MYCBP2: variants seen among roughly 807,000 people sequenced by gnomAD.
The protein encoded by MYCBP2 is E3 ubiquitin-protein ligase MYCBP2.
Under a neutral mutation model 525.3 loss-of-function variants are expected in MYCBP2, and 120 were observed. The ratio of observed to expected loss-of-function variants is 0.23; its 90% CI spans 0.20 to 0.27. MYCBP2 has a LOEUF of 0.27. MYCBP2 is among the 10% of genes least tolerant of loss of function. The pLI, the probability that MYCBP2 is intolerant of heterozygous loss-of-function variation, is 1.00. For synonymous variants in MYCBP2, 1,894 were observed against 1,955.8 expected (o/e 0.97, Z 0.83); for missense variants, 4,149 against 5,657.1 (o/e 0.73, Z 8.55).
intron 20 of MYCBP2, among the ~76,000 whole-genome samples, chr13:77,221,621 C>A (rs2065589069): frequency 6.6e-6 from 1 of 152,000 alleles, no homozygotes; most frequent in South Asian, 2.1e-4. Flanking sequence ...TGACTGAGAC[C>A]CCATCTTATC....
intron 3 of MYCBP2, 95 bp downstream of exon 3, chr13:77,288,066 A>C: frequency 7.9e-7 from 1 of 1,267,406 alleles, no homozygotes; most frequent in Non-Finnish European, 1.1e-6. Context: ...GCAATTTTAC[A>C]TAAAGCAAAG....
At chr13:77,288,819 G>T (rs1290478802) in intron 2 of MYCBP2, among the ~76,000 whole-genome samples, 2 of 152,024 alleles carry the variant, frequency 1.3e-5, no homozygotes, top group African/African-American at 4.8e-5. Flanking sequence ...AGAAATGAGG[G>T]CCTCCCAAAA....
intron 26 of MYCBP2, among the ~76,000 whole-genome samples, chr13:77,196,124 A>G (rs2061732390): frequency 6.6e-6 from 1 of 152,202 alleles, no homozygotes; most frequent in Non-Finnish European, 1.5e-5. Context: ...TGGGCTATGT[A>G]GGTGCTGAAG....
intron 55 of MYCBP2, among the ~76,000 whole-genome samples, chr13:77,120,487 T>C (rs1453123533): frequency 6.6e-6 from 1 of 152,218 alleles, no homozygotes; most frequent in Non-Finnish European, 1.5e-5. Flanking sequence ...TCAGGTATAA[T>C]GACACTGTAT....
At chr13:77,315,784 A>C (rs771240499) in intron 1 of MYCBP2, among the ~76,000 whole-genome samples, 2 of 151,304 alleles carry the variant, frequency 1.3e-5, no homozygotes, top group Non-Finnish European at 2.9e-5. Context: ...AATCCCAGCT[A>C]CTCAGGAAGC....
At chr13:77,273,185 G>A (rs759784047) in intron 5 of MYCBP2, among the ~76,000 whole-genome samples, 6 of 152,220 alleles carry the variant, frequency 3.9e-5, no homozygotes, top group East Asian at 1.9e-4. Flanking sequence ...AAGGGAGAAC[G>A]CAGACAGCAA....
At chr13:77,185,637 T>C (rs990119052) in intron 31 of MYCBP2, among the ~76,000 whole-genome samples, 1 of 152,236 alleles carries the variant, frequency 6.6e-6, no homozygotes, top group Non-Finnish European at 1.5e-5. Flanking sequence ...AATTAAACTT[T>C]ATTAGATTAT....
At chr13:77,130,331 T>C (rs1487437567) in intron 52 of MYCBP2, among the ~76,000 whole-genome samples, 1 of 151,802 alleles carries the variant, frequency 6.6e-6, no homozygotes, top group African/African-American at 2.4e-5. Flanking sequence ...TTTTAGATAA[T>C]GAAACTTTTC....
chr13:77,066,963 T>C (rs1404369843), intron 71 of MYCBP2, among the ~76,000 whole-genome samples: 1 of 152,212 alleles, frequency 6.6e-6, no homozygotes, highest in Admixed American at 6.5e-5. Flanking sequence ...GTAGTCATAC[T>C]TCTATATTAT....
intron 26 of MYCBP2, among the ~76,000 whole-genome samples, chr13:77,196,241 AG>A (rs776196318): frequency 1.1e-4 from 16 of 152,236 alleles, no homozygotes; most frequent in Non-Finnish European, 2.2e-4. Context: ...ACTGGATTAG[AG>A]TGAAACAACT....
rs528401105 is a variant in MYCBP2, at chr13:77,271,162, A to G, written c.946-624T>C. On this transcript the variant is annotated intron_variant, in intron 5 of 82. Coordinates refer to ENST00000544440, the MANE Select transcript of MYCBP2 (RefSeq NM_015057.5). The stretch of plus-strand genomic sequence containing the variant: ...CATACACATACACATTCTATATCAA[A>G]TAATTTCAATATCTAAGGACTTGGC... Among the ~76,000 whole-genome samples the G allele has an allele frequency of 2.9e-4, 44 of 152,322 alleles. No homozygotes were observed. In the South Asian group the frequency reaches 9.1e-3, roughly 32 times the overall value.
In MYCBP2 at chr13:77,171,502, A is replaced by G. The variant is rs755174728; in HGVS notation, c.5784T>C (p.Leu1928=). 4 of 1,612,862 alleles carry G rather than the reference A, an allele frequency of 2.5e-6. No individual in the cohort carries two copies. The highest frequency in any genetic ancestry group is 3.4e-6 in the Non-Finnish European group (4 of 1,179,468). The part of the protein sequence containing the change: ...RASKDLLHRA[L]AVDADDIPEL... Reference sequence around the variant, plus strand: ...AAGAAAAAATATTACCATCCACAGCAAGAGCTCTGTGCAGGAGGTCCTTAG... The same window carrying G: ...AAGAAAAAATATTACCATCCACAGCGAGAGCTCTGTGCAGGAGGTCCTTAG... The change falls in exon 38 of 83, where the codon CTT becomes CTC. Residue 1928 remains leucine (L), a synonymous_variant. Transcript: ENST00000544440.
chr13:77,288,076 G>C (rs964690379), intron 3 of MYCBP2, 85 bp downstream of exon 3: 77 of 1,322,852 alleles, frequency 5.8e-5, no homozygotes, highest in Non-Finnish European at 4.7e-5. Context: ...ATAAAGCAAA[G>C]TATTTTAGCA....
At position 77,326,669 on chromosome 13, in the gene MYCBP2, GC is replaced by G. The variant is rs1327740386; in HGVS notation, c.106del (p.Ala36ArgfsTer71). 3.4e-6 allele frequency: 5 copies of G among 1,473,586 alleles called. No individual in the cohort carries two copies. The highest frequency in any genetic ancestry group is 2.7e-5 in the Admixed American group (1 of 37,214). The allele number at this position is 1,473,586 out of a possible 1,614,324, so 91.3% of individuals were successfully genotyped here. Reference sequence around the variant, plus strand: ...GCCGTCGGGAACCGGCATGAACAGCGCCCCCGGCGCCGGGGAGGAAGAGAAG... The same window carrying G: ...GCCGTCGGGAACCGGCATGAACAGCGCCCCGGCGCCGGGGAGGAAGAGAAG... ...ATFSSSPAPG[A>X]LFMPVPDGSV... On this transcript the variant is annotated frameshift_variant, in exon 1 of 83. Transcript: ENST00000544440. LOFTEE classifies it high-confidence loss of function. This position sits in a 1 kb window ranked among gnomAD's most constrained non-coding sequence, Gnocchi z 4.2.
In MYCBP2 at chr13:77,044,658, A is replaced by G. The variant is rs141640392; in HGVS notation, c.*720T>C. On this transcript the variant is annotated 3_prime_UTR_variant, in exon 83 of 83. Coordinates refer to ENST00000544440, the MANE Select transcript of MYCBP2 (RefSeq NM_015057.5). ...TTTAAACAATACCTCCCACAGTGGT[A>G]GACTTTATCACTGTATAAAAATGTA... The G allele has an allele frequency of 1.5e-4, 61 of 398,514 alleles. No individual in the cohort carries two copies. In the Admixed American group the frequency reaches 1.6e-3, roughly 10 times the overall value. The allele number at this position is 398,514 out of a possible 1,614,324, so 24.7% of individuals were successfully genotyped here. A position where few individuals can be genotyped will look rare whatever the true frequency, so the allele number is the denominator to read the frequency against.
chr13:77,162,591 T>C (rs73241415), intron 43 of MYCBP2, among the ~76,000 whole-genome samples: 3,056 of 152,336 alleles, frequency 0.02, 56 homozygotes, highest in Middle Eastern at 0.075. Flanking sequence ...AGCCTATGTG[T>C]TGTTCTAGAA....
Position 77,263,932 on chromosome 13 carries a change from T to C in MYCBP2, c.1428A>G (p.Arg476=). The change falls in exon 9 of 83, where the codon AGA becomes AGG. Residue 476 remains arginine, a synonymous_variant. Coordinates refer to ENST00000544440, the MANE Select transcript of MYCBP2 (RefSeq NM_015057.5). ...ACTTAAGATTCAGGATACTTACATCTCTTGAAGCAGCTATCTGATTAATAT... is the reference window on the plus strand; with the variant it reads ...ACTTAAGATTCAGGATACTTACATCCCTTGAAGCAGCTATCTGATTAATAT... ...GEYINQIAAS[R]DDGFVVRIFA... is the part of the protein sequence containing the mutation. The C allele has an allele frequency of 6.2e-7, 1 of 1,611,738 alleles. No homozygotes were observed.
intron 1 of MYCBP2, among the ~76,000 whole-genome samples, chr13:77,324,282 A>G (rs1032781569): frequency 1.3e-5 from 2 of 152,144 alleles, no homozygotes; most frequent in Admixed American, 1.3e-4. Context: ...CGTTTCCTTC[A>G]CTGTCTCCTT....
At chr13:77,270,192 C>T in intron 6 of MYCBP2, 104 bp downstream of exon 6, 1 of 1,438,328 alleles carries the variant, frequency 7.0e-7, no homozygotes, top group Non-Finnish European at 9.4e-7. Context: ...TATTATTACA[C>T]TAAAATTAGA....
Sources: gnomAD v4.1 joint callset for allele counts (sites outside exome capture counted in the v4.1 genomes callset) on GRCh38, gnomAD v4.1.1 for gene constraint, Gnocchi (gnomAD v3.1) non-coding constraint, MANE v1.5 for transcripts, NCBI Gene and HGNC (gene_info 2026-07-23, HGNC 2026-07-21) for gene names.